The following ADAMTS19 variants were observed in gnomAD, a reference collection of about 807,000 sequenced individuals.
ADAMTS19 encodes the protein ADAM metallopeptidase with thrombospondin type 1 motif 19.
Under a neutral mutation model 153.3 loss-of-function variants are expected in ADAMTS19, and 93 were observed. The ratio of observed to expected loss-of-function variants is 0.61; its 90% CI spans 0.51 to 0.72. The LOEUF is 0.72. Ranked by LOEUF, ADAMTS19 falls within the 30% of genes least tolerant of loss-of-function variation. The pLI is 0.00. For missense variants in ADAMTS19, 1,482 were observed against 1,552.1 expected (o/e 0.95, Z 0.76); for synonymous variants, 600 against 556.6 (o/e 1.08, Z -1.10).
intron 8 of ADAMTS19, among the ~76,000 whole-genome samples, chr5:129,600,602 T>TA (rs1231515322): frequency 1.3e-5 from 2 of 152,080 alleles, no homozygotes; most frequent in Non-Finnish European, 2.9e-5. Context: ...ACTAAGTATT[T>TA]AAAAAAATGA....
chr5:129,688,592 TTC>T (rs1413991260), intron 18 of ADAMTS19, among the ~76,000 whole-genome samples: 3 of 152,142 alleles, frequency 2.0e-5, no homozygotes, highest in African/African-American at 7.2e-5. Flanking sequence ...GAGATGAAAA[TTC>T]TCTCTTTTAA....
intron 11 of ADAMTS19, among the ~76,000 whole-genome samples, chr5:129,642,878 T>C (rs1247843264): frequency 6.6e-6 from 1 of 152,098 alleles, no homozygotes; most frequent in Non-Finnish European, 1.5e-5. Context: ...CTTAAGAAAG[T>C]ACACACACAG....
At chr5:129,488,924 G>C (rs903607172) in intron 2 of ADAMTS19, among the ~76,000 whole-genome samples, 2 of 151,976 alleles carry the variant, frequency 1.3e-5, no homozygotes, top group Non-Finnish European at 2.9e-5. Flanking sequence ...TGCTGATGTT[G>C]TTCAAAAATA....
chr5:129,475,755 G>A (rs1283124420), intron 2 of ADAMTS19, among the ~76,000 whole-genome samples: 2 of 152,162 alleles, frequency 1.3e-5, no homozygotes, highest in Admixed American at 1.3e-4. Context: ...ATTGCTTGAA[G>A]CTGGGAGGGA....
In ADAMTS19 at chr5:129,659,763, G is replaced by A. The variant is rs552446859; in HGVS notation, c.2425+1026G>A. Reference sequence around the variant, plus strand: ...GCCCAGCTAATTTTTTTTTAATTTTGTTTTTTGTAAACATGGGGTCTCACT... The same window carrying A: ...GCCCAGCTAATTTTTTTTTAATTTTATTTTTTGTAAACATGGGGTCTCACT... On this transcript the variant is annotated intron_variant, in intron 15 of 22. Coordinates refer to ENST00000274487, the MANE Select transcript of ADAMTS19 (RefSeq NM_133638.6). Among the ~76,000 whole-genome samples, 7 of 151,762 alleles carry A rather than the reference G, an allele frequency of 4.6e-5. No individual in the cohort carries two copies. In the East Asian group the frequency reaches 7.8e-4, roughly 17 times the overall value.
In ADAMTS19 at chr5:129,647,791, C is replaced by T. The variant is rs199540994; in HGVS notation, c.1899C>T (p.Ser633=). 1.2e-6 allele frequency: 2 copies of T among 1,614,012 alleles called. No individual in the cohort carries two copies. Among genetic ancestry groups the T allele is most frequent in the Non-Finnish European group, 1.7e-6 (2 of 1,179,920 alleles). Residue 633 remains serine (S), a synonymous_variant, in exon 12 of 23, where the codon AGC becomes AGT. Coordinates refer to ENST00000274487, the MANE Select transcript of ADAMTS19 (RefSeq NM_133638.6). ...GKWCKAGECT[S]RTSAPEHLAG... ...GGTGTAAGGCTGGAGAATGTACCAG[C>T]AGGACCTCAGCACCTGAACATCTGG...
At chr5:129,467,720 C>T (rs549049132) in intron 2 of ADAMTS19, among the ~76,000 whole-genome samples, 37 of 152,212 alleles carry the variant, frequency 2.4e-4, no homozygotes, top group African/African-American at 7.0e-4. Context: ...AAATCTGAGG[C>T]CAAAGTAAAA....
intron 3 of ADAMTS19, among the ~76,000 whole-genome samples, chr5:129,512,368 CT>C (rs1751467393): frequency 6.6e-6 from 1 of 152,032 alleles, no homozygotes; most frequent in African/African-American, 2.4e-5. Context: ...GTGAATAATT[CT>C]ACATTTCTTC....
intron 7 of ADAMTS19, among the ~76,000 whole-genome samples, chr5:129,595,682 A>G (rs528280260): frequency 3.9e-5 from 6 of 152,158 alleles, no homozygotes; most frequent in Non-Finnish European, 7.4e-5. Context: ...ATCTTAATCT[A>G]TAAAAGGAGT....
chr5:129,480,614 G>GA (rs1750375000), intron 2 of ADAMTS19, among the ~76,000 whole-genome samples: 1 of 152,000 alleles, frequency 6.6e-6, no homozygotes, highest in African/African-American at 2.4e-5. Flanking sequence ...GAAGATACCA[G>GA]ATGGAAAAAA....
Position 129,595,684 on chromosome 5 carries a change from A to G in ADAMTS19, c.1373-875A>G, listed in dbSNP as rs181997567. Among the ~76,000 whole-genome samples the G allele has an allele frequency of 2.6e-3, 391 of 152,190 alleles. 1 individual carries two copies. The highest frequency in any genetic ancestry group is 5.2e-3 in the South Asian group (25 of 4,826). On this transcript the variant is annotated intron_variant, in intron 7 of 22. Transcript: ENST00000274487. ...CCTACGCCTAAATATCTTAATCTAT[A>G]AAAGGAGTTTAAAATTTATTTTATG...
At chr5:129,627,286 A>G (rs1189785091) in intron 10 of ADAMTS19, among the ~76,000 whole-genome samples, 1 of 152,116 alleles carries the variant, frequency 6.6e-6, no homozygotes, top group African/African-American at 2.4e-5. Context: ...AGGTAGGAAT[A>G]GAACCAAAGC....
chr5:129,546,544 T>G (rs1752867791), intron 6 of ADAMTS19, among the ~76,000 whole-genome samples: 1 of 151,054 alleles, frequency 6.6e-6, no homozygotes, highest in Non-Finnish European at 1.5e-5. Context: ...CAGAGACTTC[T>G]AATCAATATT....
At chr5:129,528,957 C>G (rs989275398) in intron 6 of ADAMTS19, among the ~76,000 whole-genome samples, 1 of 152,030 alleles carries the variant, frequency 6.6e-6, no homozygotes, top group Non-Finnish European at 1.5e-5. Context: ...TAAGCTAAAA[C>G]TATGGTGAAT....
At chr5:129,535,678 T>A (rs1436633914) in intron 6 of ADAMTS19, among the ~76,000 whole-genome samples, 2 of 152,240 alleles carry the variant, frequency 1.3e-5, no homozygotes, top group East Asian at 3.9e-4. Flanking sequence ...AAGGCTACAG[T>A]AACCAAAACA....
chr5:129,688,978 G>T (rs1755211661), intron 18 of ADAMTS19, among the ~76,000 whole-genome samples: 1 of 151,978 alleles, frequency 6.6e-6, no homozygotes, highest in Admixed American at 6.6e-5. Flanking sequence ...AGTCTCCAGA[G>T]GCATTATAAA....
chr5:129,663,569 C>A (rs1229271784), intron 15 of ADAMTS19, among the ~76,000 whole-genome samples: 4 of 152,150 alleles, frequency 2.6e-5, no homozygotes, highest in Non-Finnish European at 1.5e-5. Context: ...ATTTATTATA[C>A]CCACTTTCTT....
In ADAMTS19 at chr5:129,638,323, G is replaced by A. The variant is rs566700708; in HGVS notation, c.1771-3536G>A. Among the ~76,000 whole-genome samples, 66 of 151,994 alleles carry A rather than the reference G, an allele frequency of 4.3e-4. No homozygotes were observed. The South Asian group carries it at 4.8e-3, about 11-fold the overall frequency. The stretch of plus-strand genomic sequence containing the variant: ...TTGGTTTCACTTTAGTAAATTTTTA[G>A]TTTCTATTTTTCAGTTTCATATACT... On this transcript the variant is annotated intron_variant, in intron 10 of 22. Coordinates refer to ENST00000274487, the MANE Select transcript of ADAMTS19 (RefSeq NM_133638.6).
intron 11 of ADAMTS19, among the ~76,000 whole-genome samples, chr5:129,643,880 C>T (rs148774597): frequency 1.3e-5 from 2 of 152,200 alleles, no homozygotes; most frequent in East Asian, 3.9e-4. Flanking sequence ...AAACTTTGCA[C>T]CAGCAATCAT....
Sources: allele counts gnomAD v4.1 joint callset (sites outside exome capture counted in the v4.1 genomes callset), GRCh38; gene constraint gnomAD v4.1.1; transcripts MANE v1.5; gene names NCBI Gene and HGNC (gene_info 2026-07-23, HGNC 2026-07-21).